FASTKD1: variants seen among roughly 807,000 people sequenced by gnomAD.
FASTKD1 encodes FAST kinase domain-containing protein 1, mitochondrial.
A neutral mutation model predicts 90.9 loss-of-function variants in FASTKD1; 94 were observed. The ratio of observed to expected loss-of-function variants is 1.03; its 90% CI spans 0.88 to 1.23. The LOEUF (loss-of-function observed/expected upper bound fraction) is 1.23, where lower values mean the gene tolerates loss of function less well. Among genes scored for constraint, FASTKD1 ranks in the 50% most tolerant of loss-of-function variants. The pLI is 0.00. For synonymous variants in FASTKD1, 319 were observed against 345.8 expected (o/e 0.92, Z 0.86); for missense variants, 945 against 993.5 (o/e 0.95, Z 0.66).
intron 4 of FASTKD1, among the ~76,000 whole-genome samples, chr2:169,562,485 G>A (rs1003210496): frequency 1.3e-4 from 20 of 151,966 alleles, no homozygotes; most frequent in African/African-American, 4.1e-4. Flanking sequence ...CACCCACTTC[G>A]GCCTCCCAAA....
intron 7 of FASTKD1, among the ~76,000 whole-genome samples, chr2:169,551,042 T>G (rs992168891): frequency 3.9e-5 from 6 of 152,230 alleles, no homozygotes; most frequent in African/African-American, 1.4e-4. Context: ...TGCGTATATT[T>G]ATTTATAATA....
intron 7 of FASTKD1, among the ~76,000 whole-genome samples, chr2:169,549,265 C>T (rs565239942): frequency 6.6e-6 from 1 of 150,580 alleles, no homozygotes; most frequent in African/African-American, 2.4e-5. Flanking sequence ...GGTGGGGTGG[C>T]GCATGTAATG....
chr2:169,557,302 A>G lies in FASTKD1; in HGVS notation c.972-5T>C. 1 of 1,549,528 alleles carries G rather than the reference A, an allele frequency of 6.5e-7. No individual in the cohort carries two copies. Among genetic ancestry groups the G allele is most frequent in the Non-Finnish European group, 8.7e-7 (1 of 1,147,458 alleles). ...AATAACATAGTTGATTTAAGTCTAG[A>G]AGCAAAAAAAAAAAAGTTTTTGGTT... On this transcript the variant is annotated splice_region_variant and splice_polypyrimidine_tract_variant and intron_variant, in intron 5 of 14. Transcript: ENST00000453153.
chr2:169,540,289 C>T, intron 9 of FASTKD1, 110 bp from the exon 10 acceptor site: 2 of 1,066,172 alleles, frequency 1.9e-6, no homozygotes, highest in Non-Finnish European at 2.6e-6. Flanking sequence ...ACAGCCTTGA[C>T]AAAACTAATC....
At position 169,563,305 on chromosome 2, in the gene FASTKD1, A is replaced by C. The variant is rs1683796163; in HGVS notation, c.492T>G (p.Asp164Glu). 1 of 1,611,858 alleles carries C rather than the reference A, an allele frequency of 6.2e-7. No individual in the cohort carries two copies. Among genetic ancestry groups the C allele is most frequent in the Non-Finnish European group, 8.5e-7 (1 of 1,178,442 alleles). The change falls in exon 4 of 15, where the codon GAT (aspartate) becomes GAG (glutamate). Residue 164 changes from aspartate (D) to glutamate (E), a missense_variant. Physicochemically the swap from Asp to Glu is conservative, Grantham distance 45 (BLOSUM62 2). Transcript: ENST00000453153. ...TTAATGGACTAAAATACAAATGCTG[A>C]TCTGCTAGGCAAGAGGAAAATTCTG... ...LLSEFSSCLA[D>E]QHLYFSPLMG...
Position 169,533,586 on chromosome 2 carries a change from A to G in FASTKD1, c.2189-2096T>C, listed in dbSNP as rs531647380. On this transcript the variant is annotated intron_variant, in intron 12 of 14. Transcript: ENST00000453153. ...ACACACAAGTACTTACGAAGTACTT[A>G]AAATGGTGTCTAACACATAATAAGC... Among the ~76,000 whole-genome samples, 161 of 152,324 alleles carry G rather than the reference A, an allele frequency of 1.1e-3. 1 individual carries two copies. Among genetic ancestry groups the G allele is most frequent in the Non-Finnish European group, 1.9e-3 (129 of 68,022 alleles).
chr2:169,571,452 G>A (rs1684225710), intron 2 of FASTKD1, among the ~76,000 whole-genome samples: 1 of 150,484 alleles, frequency 6.6e-6, no homozygotes, highest in South Asian at 2.1e-4. Flanking sequence ...TAGTCCCATT[G>A]ACTCGGAAGG....
At chr2:169,535,951 C>T (rs1422993655) in intron 12 of FASTKD1, among the ~76,000 whole-genome samples, 1 of 150,664 alleles carries the variant, frequency 6.6e-6, no homozygotes. Flanking sequence ...TTCTATTTTT[C>T]AGACTAAACA....
Position 169,530,720 on chromosome 2 carries a change from T to A in FASTKD1, c.2328-19A>T. 8.0e-7 allele frequency: 1 copy of A among 1,253,562 alleles called. No individual in the cohort carries two copies. Among genetic ancestry groups the A allele is most frequent in the Non-Finnish European group, 1.1e-6 (1 of 875,874 alleles). The allele number at this position is 1,253,562 out of a possible 1,614,324, so 77.7% of individuals were successfully genotyped here. On this transcript the variant is annotated intron_variant, in intron 13 of 14. Transcript: ENST00000453153. ...AGCAATCCTACATAAAATAAAAAAATATTTACTCCTAAAATCAGAATAAGA... is the reference window on the plus strand; with the variant it reads ...AGCAATCCTACATAAAATAAAAAAAAATTTACTCCTAAAATCAGAATAAGA...
At chr2:169,569,363 C>G in intron 2 of FASTKD1, 111 bp from the exon 3 acceptor site, 2 of 983,282 alleles carry the variant, frequency 2.0e-6, no homozygotes, top group Non-Finnish European at 1.6e-6. Flanking sequence ...TCCTCTTATA[C>G]AGGCAGTCCT....
chr2:169,567,682 C>A (rs1040815595), intron 3 of FASTKD1, among the ~76,000 whole-genome samples: 2 of 152,138 alleles, frequency 1.3e-5, no homozygotes, highest in African/African-American at 4.8e-5. Flanking sequence ...TCAGAATGGT[C>A]GCTCCTCTCT....
intron 7 of FASTKD1, among the ~76,000 whole-genome samples, chr2:169,554,453 C>G (rs1316252961): frequency 6.6e-6 from 1 of 151,826 alleles, no homozygotes; most frequent in South Asian, 2.1e-4. Context: ...CACCTGAGGT[C>G]AGGAGTTCGA....
chr2:169,533,866 TTAATAA>T (rs1218531607), intron 12 of FASTKD1, among the ~76,000 whole-genome samples: 1 of 152,108 alleles, frequency 6.6e-6, no homozygotes, highest in Non-Finnish European at 1.5e-5. Context: ...CATCAATGTG[TTAATAA>T]TAATAGTGGG....
intron 7 of FASTKD1, among the ~76,000 whole-genome samples, chr2:169,547,903 A>C (rs1685280741): frequency 7.0e-6 from 1 of 143,670 alleles, no homozygotes; most frequent in African/African-American, 2.6e-5. Flanking sequence ...AAAAAAAAAA[A>C]AAAAAAAAAA....
chr2:169,566,132 C>T (rs1351298133), intron 3 of FASTKD1, among the ~76,000 whole-genome samples: 2 of 152,110 alleles, frequency 1.3e-5, no homozygotes, highest in Non-Finnish European at 1.5e-5. Context: ...TGTGTACTCT[C>T]GCTTCACTTT....
In FASTKD1 at chr2:169,562,113, A is replaced by G. The variant is rs1490798817; in HGVS notation, c.572+1112T>C. Among the ~76,000 whole-genome samples, 4 of 126,812 alleles carry G rather than the reference A, an allele frequency of 3.2e-5. 2 individuals are homozygous for G. Among genetic ancestry groups the G allele is most frequent in the Non-Finnish European group, 7.3e-5 (4 of 54,594 alleles). 83.2% of individuals were successfully genotyped at this position (126,812 alleles called of 152,430 possible). On this transcript the variant is annotated intron_variant, in intron 4 of 14. Coordinates refer to ENST00000453153, the MANE Select transcript of FASTKD1 (RefSeq NM_024622.6). ...TTTATTGTAAAATAATTATTTATTA[A>G]TTTATTGTAAATTAATTATTTATTA...
In FASTKD1 at chr2:169,560,773, G is replaced by A; in HGVS notation, c.585C>T (p.Val195=). 3.5e-6 allele frequency: 5 copies of A among 1,418,464 alleles called. No individual in the cohort carries two copies. The highest frequency in any genetic ancestry group is 5.1e-5 in the Admixed American group (2 of 39,194). The allele number at this position is 1,418,464 out of a possible 1,614,324, so 87.9% of individuals were successfully genotyped here. ...TTAAAGAAGATATGTTGACCATCAA[G>A]ACAGACAAGGAACTGAAAAAGAAAA... is the stretch of plus-strand genomic sequence containing the variant. ...ETTQDLSSLS[V]LMVNISSLIS... The change falls in exon 5 of 15, where the codon GTC becomes GTT. Residue 195 remains valine (V), a synonymous_variant. Transcript: ENST00000453153.
chr2:169,546,054 C>T (rs1685176597), intron 8 of FASTKD1, among the ~76,000 whole-genome samples, 164 bp downstream of exon 8: 2 of 152,154 alleles, frequency 1.3e-5, no homozygotes, highest in African/African-American at 4.8e-5. Context: ...ACCTCAGCCT[C>T]CCAACCGCTG....
chr2:169,570,265 C>T (rs1684172375), intron 2 of FASTKD1, among the ~76,000 whole-genome samples: 2 of 152,074 alleles, frequency 1.3e-5, no homozygotes, highest in South Asian at 4.1e-4. Context: ...AGCCTTCATT[C>T]AGGGAACCCA....
Sources: gnomAD v4.1 joint callset for allele counts (sites outside exome capture counted in the v4.1 genomes callset) on GRCh38, gnomAD v4.1.1 for gene constraint, MANE v1.5 for transcripts, NCBI Gene and HGNC (gene_info 2026-07-23, HGNC 2026-07-21) for gene names.